The following IL1R2 variants were observed in gnomAD, a reference collection of about 807,000 sequenced individuals.
IL1R2 encodes interleukin 1 receptor type 2, also known as interleukin-1 receptor type 2.
Under a neutral mutation model 39.5 loss-of-function variants are expected in IL1R2, and 46 were observed. The ratio of observed to expected loss-of-function variants is 1.16; its 90% CI spans 0.92 to 1.49. The LOEUF is 1.49. Among genes scored for constraint, IL1R2 ranks in the 40% most tolerant of loss-of-function variants. The probability of loss-of-function intolerance (pLI) is 0.00; values close to 1 mark genes in which losing one functional copy is unlikely to be tolerated. For missense variants in IL1R2, 537 were observed against 502.0 expected (o/e 1.07, Z -0.67); for synonymous variants, 207 against 189.6 (o/e 1.09, Z -0.75).
chr2:102,016,523 T>C (rs1677015199), intron 4 of IL1R2: 1 of 157,858 alleles, frequency 6.3e-6, no homozygotes, highest in South Asian at 1.8e-4. Flanking sequence ...CCTACAGTAT[T>C]CAGGACAGTA....
At position 102,028,195 on chromosome 2, in the gene IL1R2, A is replaced by G. The variant is rs748040925; in HGVS notation, c.1031-31A>G. On this transcript the variant is annotated intron_variant, in intron 8 of 8. Transcript: ENST00000332549. ...CCTCTTGTACAGTGAGAGACTGTTC[A>G]GCTCCTGATGTGACTCTGTTCTTCC... The G allele has an allele frequency of 1.9e-6, 3 of 1,574,372 alleles. No individual in the cohort carries two copies. The African/African-American group carries it at 4.0e-5, about 21-fold the overall frequency.
chr2:102,009,775 G>T lies in IL1R2; in HGVS notation c.281G>T (p.Trp94Leu), dbSNP rs776289279. Residue 94 changes from tryptophan to leucine, a missense_variant, in exon 3 of 9, where the codon TGG (tryptophan) becomes TTG (leucine). By Grantham distance (61) the Trp-to-Leu change is moderately conservative. Coordinates refer to ENST00000332549, the MANE Select transcript of IL1R2 (RefSeq NM_004633.4). ...ATGTGGGCCCAGGACGGTGCTCTGT[G>T]GCTTCTGCCAGCCTTGCAGGAGGAC... ...TRMWAQDGALWLLPALQEDSG... is the reference protein window; with the variant it reads ...TRMWAQDGALLLLPALQEDSG... 1 of 1,614,252 alleles carries T rather than the reference G, an allele frequency of 6.2e-7. No homozygotes were observed. The highest frequency in any genetic ancestry group is 1.1e-5 in the South Asian group (1 of 91,092).
intron 1 of IL1R2, among the ~76,000 whole-genome samples, chr2:101,996,049 G>T (rs1020736249): frequency 5.3e-5 from 8 of 152,192 alleles, no homozygotes; most frequent in African/African-American, 1.9e-4. Context: ...AGCACCAGCT[G>T]TGAAATGCAC....
intron 7 of IL1R2, 183 bp downstream of exon 7, chr2:102,024,851 G>A: frequency 1.3e-6 from 1 of 745,540 alleles, no homozygotes; most frequent in South Asian, 2.5e-5. Context: ...AACTTTCTCT[G>A]TAAATACTTA....
At chr2:102,019,299 T>A (rs888727775) in intron 4 of IL1R2, among the ~76,000 whole-genome samples, 5 of 152,248 alleles carry the variant, frequency 3.3e-5, no homozygotes, top group African/African-American at 7.2e-5. Context: ...CCCAGATACT[T>A]CCTAAGGCCT....
intron 1 of IL1R2, among the ~76,000 whole-genome samples, chr2:102,001,602 C>T (rs535597223): frequency 1.3e-5 from 2 of 152,302 alleles, no homozygotes; most frequent in East Asian, 3.9e-4. Flanking sequence ...CTGGACAACT[C>T]ATCTAGGTTT....
At chr2:102,001,419 C>T (rs1675854137) in intron 1 of IL1R2, among the ~76,000 whole-genome samples, 1 of 152,194 alleles carries the variant, frequency 6.6e-6, no homozygotes, top group South Asian at 2.1e-4. Flanking sequence ...GCAACGTGGC[C>T]TCCAGGAAGT....
At chr2:101,998,643 G>A (rs186669632) in intron 1 of IL1R2, among the ~76,000 whole-genome samples, 5 of 152,318 alleles carry the variant, frequency 3.3e-5, no homozygotes, top group African/African-American at 4.8e-5. Context: ...GAGGGTCCAC[G>A]ATGGCTTCAC....
chr2:102,026,576 G>T (rs1204516352), intron 8 of IL1R2, among the ~76,000 whole-genome samples: 1 of 152,156 alleles, frequency 6.6e-6, no homozygotes, highest in East Asian at 1.9e-4. Flanking sequence ...TCTTCGCATG[G>T]CCTCTAGAAG....
At chr2:102,017,398 G>GAAAAAAAA (rs56358561) in intron 4 of IL1R2, among the ~76,000 whole-genome samples, 10 of 113,354 alleles carry the variant, frequency 8.8e-5, no homozygotes, top group Non-Finnish European at 1.2e-4. Flanking sequence ...CTCCATCTCA[G>GAAAAAAAA]AAAAAAAAAA....
chr2:102,021,476 C>A (rs1180076798), intron 5 of IL1R2, among the ~76,000 whole-genome samples: 1 of 152,064 alleles, frequency 6.6e-6, no homozygotes, highest in Admixed American at 6.5e-5. Flanking sequence ...CCACCAAGCC[C>A]AGCTAATTTT....
chr2:102,019,905 C>T (rs1031023049), intron 5 of IL1R2, 93 bp downstream of exon 5: 2 of 1,094,324 alleles, frequency 1.8e-6, no homozygotes, highest in African/African-American at 3.1e-5. Flanking sequence ...CCTTGCAGGT[C>T]TTTGGAATGA....
chr2:102,024,121 G>A (rs934345330), intron 6 of IL1R2, among the ~76,000 whole-genome samples: 1 of 152,128 alleles, frequency 6.6e-6, no homozygotes, highest in Non-Finnish European at 1.5e-5. Flanking sequence ...AGAGTCATCT[G>A]GGAATGGAGA....
rs201762376 is a variant in IL1R2, at chr2:102,009,655, C to T, written c.161C>T (p.Pro54Leu). ...GTAGCCCTGAGGTGCCCCCAGGTGC[C>T]CTACTGGTTGTGGGCCTCTGTCAGC... Reference protein sequence around the residue: ...EPVALRCPQVPYWLWASVSPR... With the variant: ...EPVALRCPQVLYWLWASVSPR... The change falls in exon 3 of 9, where the codon CCC becomes CTC. Residue 54 changes from proline to leucine, a missense_variant. By Grantham distance (98) the Pro-to-Leu change is moderately conservative. Transcript: ENST00000332549. 6 of 1,614,162 alleles carry T rather than the reference C, an allele frequency of 3.7e-6. No homozygotes were observed. In the East Asian group the frequency reaches 1.3e-4, roughly 36 times the overall value.
At position 102,028,503 on chromosome 2, in the gene IL1R2, G is replaced by A. The variant is rs1466305256; in HGVS notation, c.*111G>A. ...TTTGCCTCAGTTGTCTACCAAAGGT[G>A]CCACATTTATAGTGGCTTTGTAGTA... On this transcript the variant is annotated 3_prime_UTR_variant, in exon 9 of 9. Coordinates refer to ENST00000332549, the MANE Select transcript of IL1R2 (RefSeq NM_004633.4). 7 of 928,820 alleles carry A rather than the reference G, an allele frequency of 7.5e-6. No individual in the cohort carries two copies. The highest frequency in any genetic ancestry group is 6.8e-5 in the African/African-American group (4 of 58,962). 57.5% of individuals were successfully genotyped at this position (928,820 alleles called of 1,614,324 possible). A position where few individuals can be genotyped will look rare whatever the true frequency, so the allele number is the denominator to read the frequency against.
intron 1 of IL1R2, among the ~76,000 whole-genome samples, chr2:102,004,326 C>T (rs1676129899): frequency 1.8e-5 from 2 of 108,566 alleles, no homozygotes; most frequent in Non-Finnish European, 3.7e-5. Context: ...GCGTGCTCTA[C>T]CACCTGTCCA....
In IL1R2 at chr2:102,008,570, G is replaced by A. The variant is rs375705714; in HGVS notation, c.-6G>A. The A allele has an allele frequency of 6.2e-7, 1 of 1,613,778 alleles. No homozygotes were observed. Among genetic ancestry groups the A allele is most frequent in the Non-Finnish European group, 8.5e-7 (1 of 1,179,704 alleles). ...TTCCCGTGTCCTCTGGAAGTTGTCAGGAGCAATGTTGCGCTTGTACGTGTT... is the reference window on the plus strand; with the variant it reads ...TTCCCGTGTCCTCTGGAAGTTGTCAAGAGCAATGTTGCGCTTGTACGTGTT... On this transcript the variant is annotated 5_prime_UTR_variant, in exon 2 of 9. Coordinates refer to ENST00000332549, the MANE Select transcript of IL1R2 (RefSeq NM_004633.4).
At chr2:101,994,610 G>A (rs1051000604) in intron 1 of IL1R2, among the ~76,000 whole-genome samples, 10 of 152,158 alleles carry the variant, frequency 6.6e-5, no homozygotes, top group Non-Finnish European at 1.5e-4. Flanking sequence ...CAGTGCTAGG[G>A]GACCACACTT....
intron 5 of IL1R2, among the ~76,000 whole-genome samples, chr2:102,020,868 T>C (rs1355196085): frequency 2.0e-5 from 3 of 152,188 alleles, no homozygotes; most frequent in Non-Finnish European, 4.4e-5. Flanking sequence ...GGGGTGGTCC[T>C]GGGCCAGCAG....
Sources: allele counts gnomAD v4.1 joint callset (sites outside exome capture counted in the v4.1 genomes callset), GRCh38; gene constraint gnomAD v4.1.1; transcripts MANE v1.5; gene names NCBI Gene and HGNC (gene_info 2026-07-23, HGNC 2026-07-21).